The following TRPM1 variants were observed in gnomAD, a reference collection of about 807,000 sequenced individuals.
TRPM1 encodes the protein transient receptor potential cation channel subfamily M member 1, also known as TRPM1-203 APA Isoform, Intron 10.
TRPM1 carries 113 observed loss-of-function variants against 149.4 expected under a neutral mutation model. The observed-to-expected ratio is 0.76, with a 90% CI of 0.65 to 0.88. The LOEUF is 0.88. TRPM1 is among the 40% of genes least tolerant of loss of function. TRPM1 has a pLI of 0.00. For synonymous variants in TRPM1, 741 were observed against 759.5 expected, an observed-to-expected ratio of 0.98 and a Z score of 0.40; for missense variants, 1,976 against 2,038.7, an observed-to-expected ratio of 0.97 and a Z score of 0.59.
rs140322649 is a variant in TRPM1 at position 31,057,100 on chromosome 15, G to A, written c.1263+3444C>T. 5.2e-3 allele frequency among the ~76,000 whole-genome samples: 791 copies of A among 152,332 alleles called. 5 individuals carry two copies. The highest frequency in any genetic ancestry group is 0.018 in the African/African-American group (756 of 41,576). On this transcript the variant is annotated intron_variant, in intron 11 of 27. Coordinates refer to ENST00000256552, the MANE Select transcript of TRPM1 (RefSeq NM_001252024.2). ...TCTGATGTAGACAACTGTACAGTAG[G>A]CATTGAGAGCATCCAGGGAAGATGG... is the stretch of plus-strand genomic sequence containing the variant.
At chr15:31,058,568 T>C (rs2034145012) in intron 11 of TRPM1, among the ~76,000 whole-genome samples, 1 of 152,208 alleles carries the variant, frequency 6.6e-6, no homozygotes, top group African/African-American at 2.4e-5. Context: ...AAGAGTAAGA[T>C]GTAAGCAGGA....
At chr15:31,148,418 G>A (rs770134503) in intron 1 of TRPM1, among the ~76,000 whole-genome samples, 1 of 152,212 alleles carries the variant, frequency 6.6e-6, no homozygotes, top group Non-Finnish European at 1.5e-5. Flanking sequence ...CGTTGTGTAG[G>A]AGAGAACGCT....
chr15:31,113,177 G>A (rs71471862), intron 1 of TRPM1, among the ~76,000 whole-genome samples: 19,831 of 152,022 alleles, frequency 0.13, 1,725 homozygotes, highest in Non-Finnish European at 0.18. Flanking sequence ...ACTCACCACG[G>A]CCCACCTTCT....
At chr15:31,056,801 T>C (rs1054087786) in intron 11 of TRPM1, among the ~76,000 whole-genome samples, 1 of 152,176 alleles carries the variant, frequency 6.6e-6, no homozygotes, top group Admixed American at 6.5e-5. Flanking sequence ...TGGGATGATG[T>C]AGCAAGAAGG....
chr15:31,132,972 TA>T (rs2036037182), intron 1 of TRPM1, among the ~76,000 whole-genome samples: 1 of 152,228 alleles, frequency 6.6e-6, no homozygotes, highest in Non-Finnish European at 1.5e-5. Context: ...TCTTTCTTTT[TA>T]AAATTACCTA....
chr15:31,068,490 C>G (rs1176387136), intron 4 of TRPM1, among the ~76,000 whole-genome samples: 1 of 151,740 alleles, frequency 6.6e-6, no homozygotes, highest in East Asian at 1.9e-4. Flanking sequence ...GCCTGTAATC[C>G]CAGCACTTTG....
In TRPM1 at chr15:31,029,387, G is replaced by A. The variant is rs748055124; in HGVS notation, c.3132C>T (p.Tyr1044=). The A allele has an allele frequency of 2.9e-5, 46 of 1,613,644 alleles. No homozygotes were observed. In the East Asian group the frequency reaches 4.5e-4, roughly 16 times the overall value. The change falls in exon 24 of 28, where the codon TAC becomes TAT. Residue 1044 remains tyrosine (Y), a synonymous_variant. Coordinates refer to ENST00000256552, the MANE Select transcript of TRPM1 (RefSeq NM_001252024.2). ...TAAACTTACGATTAATTTCCATGGCGTAGACTACATGACGATTGGAAAGCA... is the reference window on the plus strand; with the variant it reads ...TAAACTTACGATTAATTTCCATGGCATAGACTACATGACGATTGGAAAGCA... The part of the protein sequence containing the change: ...GEVFADQIDL[Y]AMEINPPCGE...
At position 31,155,658 on chromosome 15, in the gene TRPM1, T is replaced by C. The variant is rs552842618; in HGVS notation, c.54+5248A>G. 1.2e-3 allele frequency among the ~76,000 whole-genome samples: 188 copies of C among 152,262 alleles called. 1 individual carries two copies. The highest frequency in any genetic ancestry group is 1.6e-3 in the Non-Finnish European group (109 of 68,022). On this transcript the variant is annotated intron_variant, in intron 1 of 26. Coordinates refer to the TRPM1 transcript ENST00000542188. Reference sequence around the variant, plus strand: ...TGTTGTGACTTTACATGTGTACTTATATATATTTTTCTCTCTTAAAAGGAG... The same window carrying C: ...TGTTGTGACTTTACATGTGTACTTACATATATTTTTCTCTCTTAAAAGGAG...
intron 1 of TRPM1, among the ~76,000 whole-genome samples, chr15:31,130,495 A>C (rs2036003216): frequency 6.6e-6 from 1 of 152,242 alleles, no homozygotes; most frequent in Admixed American, 6.5e-5. Context: ...CTGCCTTCGT[A>C]GGACTAACAA....
rs193130065 is a variant in TRPM1 at position 31,133,223 on chromosome 15, G to A, written c.54+27683C>T. The stretch of plus-strand genomic sequence containing the variant: ...AGGCTGAGGTGGGCGGATCACTTGA[G>A]GTCAGGAGTTCAAGACCCAGCCTGG... On this transcript the variant is annotated intron_variant, in intron 1 of 26. Coordinates refer to the TRPM1 transcript ENST00000542188. 1.7e-4 allele frequency among the ~76,000 whole-genome samples: 26 copies of A among 152,034 alleles called. No homozygotes were observed. The East Asian group carries it at 5.0e-3, about 29-fold the overall frequency.
intron 1 of TRPM1, among the ~76,000 whole-genome samples, chr15:31,110,020 C>T (rs191534479): frequency 6.6e-6 from 1 of 152,270 alleles, no homozygotes; most frequent in East Asian, 1.9e-4. Context: ...CCTTCCTTTT[C>T]AAAGTCTTAT....
rs1201241418 is a variant in TRPM1, at chr15:31,026,045, A to G, written c.3629+94T>C. 3 of 1,536,664 alleles carry G rather than the reference A, an allele frequency of 2.0e-6. No homozygotes were observed. The East Asian group carries it at 6.7e-5, about 34-fold the overall frequency. Reference sequence around the variant, plus strand: ...AATAAAACAGGAGAACTCGGAGTGCATGTTTAAATGAACTCTGGCATCCCC... The same window carrying G: ...AATAAAACAGGAGAACTCGGAGTGCGTGTTTAAATGAACTCTGGCATCCCC... On this transcript the variant is annotated intron_variant, in intron 27 of 27. Transcript: ENST00000256552.
chr15:31,075,351 G>C (rs2034661876), intron 3 of TRPM1, among the ~76,000 whole-genome samples: 1 of 152,150 alleles, frequency 6.6e-6, no homozygotes, highest in African/African-American at 2.4e-5. Context: ...TTTTGGTGCT[G>C]TTTTAGGTAC....
chr15:31,128,468 G>A (rs954489677), intron 1 of TRPM1, among the ~76,000 whole-genome samples: 2 of 152,168 alleles, frequency 1.3e-5, no homozygotes, highest in African/African-American at 2.4e-5. Flanking sequence ...GGCTGCACAG[G>A]TGCACACCCC....
chr15:31,046,945 T>G (rs2033782406), intron 15 of TRPM1, among the ~76,000 whole-genome samples, 166 bp downstream of exon 15: 1 of 152,142 alleles, frequency 6.6e-6, no homozygotes, highest in South Asian at 2.1e-4. Context: ...TCAGGGGAGC[T>G]GGAGAATGCC....
Position 31,035,638 on chromosome 15 carries a change from C to G in TRPM1, c.2608G>C (p.Val870Leu). 9.3e-6 allele frequency: 15 copies of G among 1,614,134 alleles called. No individual in the cohort carries two copies. Among genetic ancestry groups the G allele is most frequent in the Non-Finnish European group, 1.3e-5 (15 of 1,180,020 alleles). ...CAGCCATCCATCCGCACCAGGATGA[C>G]GTAGTTAAACAGCAGCAGGTAGCCC... ...YLGYLLLFNY[V>L]ILVRMDGWPS... Residue 870 changes from valine to leucine, a missense_variant, in exon 21 of 28, where the codon GTC (valine) becomes CTC (leucine). Coordinates refer to ENST00000256552, the MANE Select transcript of TRPM1 (RefSeq NM_001252024.2).
rs1016635050 is a variant in TRPM1, at chr15:31,123,342, A to C, written c.54+37564T>G. Among the ~76,000 whole-genome samples, 50 of 152,236 alleles carry C rather than the reference A, an allele frequency of 3.3e-4. 1 individual carries two copies. Among genetic ancestry groups the C allele is most frequent in the African/African-American group, 1.1e-3 (44 of 41,464 alleles). On this transcript the variant is annotated intron_variant, in intron 1 of 26. Transcript: ENST00000542188. The stretch of plus-strand genomic sequence containing the variant: ...AAGAAAAAAATTGATAAACTTTACT[A>C]AAATGAAAAACTTCTGCTCTGTAAA...
intron 27 of TRPM1, among the ~76,000 whole-genome samples, chr15:31,013,002 A>G (rs1165231197): frequency 2.7e-5 from 3 of 110,510 alleles, no homozygotes; most frequent in Non-Finnish European, 5.4e-5. Context: ...TTTTTTTTTG[A>G]CACTGTCTTG....
intron 1 of TRPM1, among the ~76,000 whole-genome samples, chr15:31,160,066 T>C (rs2036425802): frequency 6.6e-6 from 1 of 151,876 alleles, no homozygotes; most frequent in Non-Finnish European, 1.5e-5. Context: ...GAAGCAGAGA[T>C]CCCCACTGAG....
Sources: allele counts gnomAD v4.1 joint callset (sites outside exome capture counted in the v4.1 genomes callset), GRCh38; gene constraint gnomAD v4.1.1; transcripts MANE v1.5; gene names NCBI Gene and HGNC (gene_info 2026-07-23, HGNC 2026-07-21).